The following RABGAP1L variants were observed in gnomAD, a reference collection of about 807,000 sequenced individuals.
The protein encoded by RABGAP1L is rab GTPase-activating protein 1-like.
RABGAP1L carries 63 observed loss-of-function variants against 137.7 expected under a neutral mutation model. The observed-to-expected ratio is 0.46, with a 90% CI of 0.37 to 0.56. The LOEUF (loss-of-function observed/expected upper bound fraction) is 0.56. RABGAP1L is among the 20% of genes least tolerant of loss of function. The probability of loss-of-function intolerance (pLI) is 0.00; values close to 1 mark genes in which losing one functional copy is unlikely to be tolerated. For missense variants in RABGAP1L, 1,095 were observed against 1,244.0 expected, an observed-to-expected ratio of 0.88 and a Z score of 1.80; for synonymous variants, 431 against 433.7, an observed-to-expected ratio of 0.99 and a Z score of 0.08.
At chr1:174,746,925 C>T (rs1558040714) in intron 17 of RABGAP1L, among the ~76,000 whole-genome samples, 1 of 152,078 alleles carries the variant, frequency 6.6e-6, no homozygotes, top group Non-Finnish European at 1.5e-5. Flanking sequence ...TGGAGTTAGA[C>T]CTTGTACTAT....
intron 15 of RABGAP1L, among the ~76,000 whole-genome samples, chr1:174,694,194 T>C (rs1466558721): frequency 6.6e-6 from 1 of 151,918 alleles, no homozygotes; most frequent in African/African-American, 2.4e-5. Context: ...TTTCTTTTTT[T>C]ATTTTTTATT....
intron 3 of RABGAP1L, among the ~76,000 whole-genome samples, chr1:174,226,616 T>C (rs1182825972): frequency 6.6e-6 from 1 of 152,216 alleles, no homozygotes; most frequent in Non-Finnish European, 1.5e-5. Flanking sequence ...TTAGAATTTT[T>C]GTGTTTTCTT....
chr1:174,732,459 T>A (rs1375862355), intron 17 of RABGAP1L, among the ~76,000 whole-genome samples: 1 of 152,184 alleles, frequency 6.6e-6, no homozygotes. Context: ...TCTAGTTTTA[T>A]TTTTTAGATG....
intron 11 of RABGAP1L, among the ~76,000 whole-genome samples, chr1:174,344,756 T>G (rs1487127910): frequency 6.6e-6 from 1 of 152,218 alleles, no homozygotes; most frequent in Non-Finnish European, 1.5e-5. Context: ...TGAAACACTT[T>G]GTGAATTATC....
At chr1:174,881,985 CTGAG>C (rs557708916) in intron 19 of RABGAP1L, among the ~76,000 whole-genome samples, 61 of 152,238 alleles carry the variant, frequency 4.0e-4, no homozygotes, top group Non-Finnish European at 5.6e-4. Context: ...CCTCAGCCTC[CTGAG>C]TATCTGGGAT....
Position 174,493,269 on chromosome 1 carries a change from G to A in RABGAP1L, c.1710+99124G>A, listed in dbSNP as rs200084825. On this transcript the variant is annotated intron_variant, in intron 13 of 25. Transcript: ENST00000681986. ...CCTAGCTACTTGGGAGACTGAGGTG[G>A]GGAGGTGCTTGAGCTTAGGAGTTTG... Among the ~76,000 whole-genome samples, 56 of 150,804 alleles carry A rather than the reference G, an allele frequency of 3.7e-4. 1 individual carries two copies. The East Asian group carries it at 5.9e-3, about 16-fold the overall frequency.
At chr1:174,327,992 T>TATATATATATATACAC (rs1680655396) in intron 11 of RABGAP1L, among the ~76,000 whole-genome samples, 2 of 57,594 alleles carry the variant, frequency 3.5e-5, no homozygotes, top group East Asian at 9.9e-4. Flanking sequence ...CACACATATA[T>TATATATATATATACAC]ATATATATAT....
chr1:174,597,906 C>T (rs995129245), intron 13 of RABGAP1L, among the ~76,000 whole-genome samples: 11 of 152,114 alleles, frequency 7.2e-5, no homozygotes, highest in South Asian at 2.1e-4. Context: ...TCTTCATTGA[C>T]TCACTGGTCA....
At chr1:174,957,909 A>C (rs748537192) in intron 20 of RABGAP1L, 2 of 1,584,258 alleles carry the variant, frequency 1.3e-6, no homozygotes, top group Non-Finnish European at 1.7e-6. Context: ...TTTGTAGGTA[A>C]CTCCAGCTGT....
At chr1:174,796,937 G>A (rs1434538835) in intron 18 of RABGAP1L, among the ~76,000 whole-genome samples, 4 of 152,086 alleles carry the variant, frequency 2.6e-5, no homozygotes, top group African/African-American at 4.8e-5. Flanking sequence ...AACCTGGGAG[G>A]CGGAGGTTGC....
rs943679266 is a variant in RABGAP1L, at chr1:174,653,429, G to A, written c.1824+15941G>A. ...CAGGGCCTTGGTGGTGTAGGCATCC[G>A]AGGGAATGTCCTGGTCTGTGGGTTG... On this transcript the variant is annotated intron_variant, in intron 14 of 25. Coordinates refer to ENST00000681986, the MANE Select transcript of RABGAP1L (RefSeq NM_001366446.1). Among the ~76,000 whole-genome samples the A allele has an allele frequency of 3.9e-5, 6 of 152,284 alleles. No individual in the cohort carries two copies. In the Middle Eastern group the frequency reaches 0.01, roughly 259 times the overall value.
At chr1:174,748,917 A>G (rs919956161) in intron 17 of RABGAP1L, among the ~76,000 whole-genome samples, 5 of 151,730 alleles carry the variant, frequency 3.3e-5, no homozygotes, top group Admixed American at 6.6e-5. Context: ...TGGCTCACAC[A>G]TGTAATCCCG....
At chr1:174,894,011 G>A (rs1275417431) in intron 19 of RABGAP1L, among the ~76,000 whole-genome samples, 2 of 152,176 alleles carry the variant, frequency 1.3e-5, no homozygotes, top group African/African-American at 2.4e-5. Context: ...AGGGTGGGCT[G>A]GGGTGGAGGG....
intron 13 of RABGAP1L, among the ~76,000 whole-genome samples, chr1:174,618,865 C>T (rs1672163277): frequency 6.6e-6 from 1 of 152,086 alleles, no homozygotes; most frequent in African/African-American, 2.4e-5. Context: ...AAATTCAAAC[C>T]AAAGGCAAAG....
chr1:174,451,938 G>A (rs906655663), intron 13 of RABGAP1L, among the ~76,000 whole-genome samples: 1 of 152,008 alleles, frequency 6.6e-6, no homozygotes, highest in Non-Finnish European at 1.5e-5. Context: ...AAATTGTTTT[G>A]AAGAGGAAGA....
intron 15 of RABGAP1L, among the ~76,000 whole-genome samples, chr1:174,696,379 T>C (rs1679262362): frequency 6.6e-6 from 1 of 151,978 alleles, no homozygotes; most frequent in Non-Finnish European, 1.5e-5. Flanking sequence ...ACTCTTACTT[T>C]TTTGTTGTTG....
intron 19 of RABGAP1L, among the ~76,000 whole-genome samples, chr1:174,857,598 A>C (rs1360383209): frequency 1.3e-5 from 2 of 152,176 alleles, no homozygotes; most frequent in Non-Finnish European, 2.9e-5. Context: ...AGAATCTGAA[A>C]ACCCTTTATA....
intron 13 of RABGAP1L, among the ~76,000 whole-genome samples, chr1:174,400,217 C>G (rs1246698420): frequency 6.6e-6 from 1 of 152,130 alleles, no homozygotes. Flanking sequence ...ATTACTTACT[C>G]TCTATCTTTT....
intron 18 of RABGAP1L, among the ~76,000 whole-genome samples, chr1:174,768,602 C>CCCA (rs1057301596): frequency 6.6e-6 from 1 of 152,196 alleles, no homozygotes; most frequent in Non-Finnish European, 1.5e-5. Context: ...ATGTGGACAG[C>CCCA]CCACCCCAAG....
Sources: gnomAD v4.1 joint callset for allele counts (sites outside exome capture counted in the v4.1 genomes callset) on GRCh38, gnomAD v4.1.1 for gene constraint, MANE v1.5 for transcripts, NCBI Gene and HGNC (gene_info 2026-07-23, HGNC 2026-07-21) for gene names.